CIB1: variants seen among roughly 807,000 people sequenced by gnomAD.
The protein encoded by CIB1 is calcium and integrin-binding protein 1.
Under a neutral mutation model 25.0 loss-of-function variants are expected in CIB1, and 19 were observed. The observed-to-expected ratio is 0.76, with a 90% CI of 0.53 to 1.12. The LOEUF (loss-of-function observed/expected upper bound fraction) is 1.12, where lower values mean the gene tolerates loss of function less well. Ranked by LOEUF, CIB1 falls within the 50% of genes most tolerant of loss-of-function variation. CIB1 has a pLI of 0.00. For synonymous variants in CIB1, 104 were observed against 98.5 expected (o/e 1.06, Z -0.33); for missense variants, 236 against 242.6 (o/e 0.97, Z 0.18).
upstream of CIB1, among the ~76,000 whole-genome samples, chr15:90,237,977 A>G (rs1317445500): frequency 6.6e-6 from 1 of 152,138 alleles, no homozygotes; most frequent in Non-Finnish European, 1.5e-5. Context: ...TTTACCTTGC[A>G]GCTCCAGCTC....
At chr15:90,263,382 T>C in the CIB1 span, 1 of 511,406 alleles carries the variant, frequency 2.0e-6, no homozygotes, top group South Asian at 3.0e-5. Context: ...ACCTTCTCAT[T>C]TACAGGAAAC....
At chr15:90,264,871 C>T in the CIB1 span, 1 of 1,536,126 alleles carries the variant, frequency 6.5e-7, no homozygotes, top group Non-Finnish European at 8.7e-7. Context: ...CCATGGTAAA[C>T]TCTGAACACA....
upstream of CIB1, among the ~76,000 whole-genome samples, chr15:90,236,939 T>A (rs928853360): frequency 6.6e-6 from 1 of 151,864 alleles, no homozygotes; most frequent in African/African-American, 2.4e-5. Flanking sequence ...AAAACCGAGC[T>A]GCTGATATAC....
the CIB1 span, chr15:90,257,594 C>T: frequency 1.0e-4 from 162 of 1,577,066 alleles, 1 homozygote; most frequent in Non-Finnish European, 1.2e-4. Flanking sequence ...AGAGGACGGC[C>T]GCATGCAGAC....
chr15:90,255,444 G>A, the CIB1 span, among the ~76,000 whole-genome samples: 2 of 152,180 alleles, frequency 1.3e-5, no homozygotes, highest in African/African-American at 4.8e-5. Context: ...AGAGGACTAG[G>A]CCTGGTGGTC....
chr15:90,242,431 CTTTTTTTTTTTTT>C, the CIB1 span: 20,003 of 66,094 alleles, frequency 0.3, 2,337 homozygotes, highest in South Asian at 0.46. Flanking sequence ...TTTTCTGTTT[CTTTTTTTTTTTTT>C]TTTTTTTTTT....
chr15:90,260,741 C>T, the CIB1 span, among the ~76,000 whole-genome samples: 9 of 151,390 alleles, frequency 5.9e-5, no homozygotes, highest in African/African-American at 2.2e-4. Context: ...ATCCCAGCTA[C>T]TCAGGAGGCT....
At chr15:90,259,067 T>TA in the CIB1 span, 30 of 1,479,186 alleles carry the variant, frequency 2.0e-5, no homozygotes, top group Admixed American at 2.5e-4. Context: ...ATATTTGCAT[T>TA]AAAAAAATCA....
At chr15:90,264,347 T>C in the CIB1 span, among the ~76,000 whole-genome samples, 1 of 152,146 alleles carries the variant, frequency 6.6e-6, no homozygotes, top group Admixed American at 6.5e-5. Context: ...CACACCACCA[T>C]GCTCGGCTAA....
rs369869875 is a variant in CIB1 at position 90,232,264 on chromosome 15, C to T, written c.150G>A (p.Arg50=). The T allele has an allele frequency of 1.6e-5, 25 of 1,612,620 alleles. No individual in the cohort carries two copies. Among genetic ancestry groups the T allele is most frequent in the Non-Finnish European group, 2.0e-5 (23 of 1,179,070 alleles). The part of the protein sequence containing the change: ...QEQRSVESSL[R]AQVPFEQILS... ...GAATCTGCTCGAAGGGCACTTGTGC[C>T]CGAAGTGACGACTCCACGCTCCGCT... Residue 50 remains arginine (R), a synonymous_variant, in exon 3 of 7, where the codon CGG becomes CGA. Coordinates refer to ENST00000328649, the MANE Select transcript of CIB1 (RefSeq NM_006384.4).
the CIB1 span, among the ~76,000 whole-genome samples, chr15:90,251,114 C>CTTTTTTTTTTTTTTTTTTTT: frequency 9.6e-6 from 1 of 104,672 alleles, no homozygotes; most frequent in East Asian, 3.5e-4. Flanking sequence ...CCTGGTCTGT[C>CTTTTTTTTTTTTTTTTTTTT]TTTTTTTTTT....
At chr15:90,242,047 TG>T in the CIB1 span, 1 of 1,606,934 alleles carries the variant, frequency 6.2e-7, no homozygotes, top group Non-Finnish European at 8.5e-7. Context: ...GTGGCCCTGA[TG>T]TCCCAGGAAG....
At chr15:90,258,359 AAC>A in the CIB1 span, 1 of 1,109,658 alleles carries the variant, frequency 9.0e-7, no homozygotes. Flanking sequence ...CAGGTGGTGG[AAC>A]ACAGAATGGG....
At chr15:90,236,274 G>C (rs1397741153), upstream of CIB1, 4 of 152,054 alleles carry the variant, frequency 2.6e-5, no homozygotes, top group African/African-American at 9.7e-5. Flanking sequence ...CCAACCTCAG[G>C]TGATCGCCTG....
chr15:90,231,188 G>T lies in CIB1; in HGVS notation c.372C>A (p.Asn124Lys). ...IFDFDDDGTL[N>K]REDLSRLVNC... ...TCACCAGCCGGCTCAGGTCTTCTCT[G>T]TTCAAGGTTCCGTCATCATCAAAGT... The change falls in exon 5 of 7, where the codon AAC becomes AAA. Residue 124 changes from asparagine (N) to lysine (K), a missense_variant. Physicochemically the swap from Asn to Lys is moderately conservative, Grantham distance 94. Coordinates refer to ENST00000328649, the MANE Select transcript of CIB1 (RefSeq NM_006384.4). 1.2e-6 allele frequency: 2 copies of T among 1,612,476 alleles called. No homozygotes were observed. The highest frequency in any genetic ancestry group is 1.7e-6 in the Non-Finnish European group (2 of 1,179,784).
upstream of CIB1, chr15:90,234,532 G>A (rs1207495042): frequency 1.3e-5 from 2 of 152,240 alleles, no homozygotes; most frequent in Non-Finnish European, 2.9e-5. Context: ...GCTATTTACT[G>A]AGGACCCACT....
the CIB1 span, among the ~76,000 whole-genome samples, chr15:90,260,875 A>G: frequency 6.6e-6 from 1 of 151,268 alleles, no homozygotes; most frequent in African/African-American, 2.4e-5. Flanking sequence ...AAAAGAGAGA[A>G]AGAAAGGAAG....
chr15:90,264,427 T>C, the CIB1 span, among the ~76,000 whole-genome samples: 1 of 152,158 alleles, frequency 6.6e-6, no homozygotes, highest in African/African-American at 2.4e-5. Flanking sequence ...TGAATCAGTC[T>C]CCCAAAGTGC....
chr15:90,255,944 G>C, the CIB1 span: 4 of 1,611,864 alleles, frequency 2.5e-6, no homozygotes, highest in Admixed American at 6.7e-5. Context: ...GTCGCTCTCA[G>C]AGCTCTGGTC....
Sources: gnomAD v4.1 joint callset for allele counts (sites outside exome capture counted in the v4.1 genomes callset) on GRCh38, gnomAD v4.1.1 for gene constraint, MANE v1.5 for transcripts, NCBI Gene and HGNC (gene_info 2026-07-23, HGNC 2026-07-21) for gene names.